THSD7B: variants seen among roughly 807,000 people sequenced by gnomAD.
THSD7B encodes the protein thrombospondin type 1 domain containing 7B.
THSD7B carries 138 observed loss-of-function variants against 213.6 expected under a neutral mutation model. That is an observed-to-expected ratio of 0.65 (90% CI 0.56 to 0.74). The LOEUF (loss-of-function observed/expected upper bound fraction) is 0.74, where lower values mean the gene tolerates loss of function less well. THSD7B is among the 30% of genes least tolerant of loss of function. The pLI, the probability that THSD7B is intolerant of heterozygous loss-of-function variation, is 0.00. For synonymous variants in THSD7B, 742 were observed against 687.0 expected (o/e 1.08, Z -1.25); for missense variants, 1,931 against 1,991.5 (o/e 0.97, Z 0.58).
At position 137,062,017 on chromosome 2, in the gene THSD7B, CTTTT is replaced by C. The variant is rs536171394; in HGVS notation, c.950+4788_950+4791del. Reference sequence around the variant, plus strand: ...AAGTTACTAAATACTGGTTTAATTTCTTTTAACAGATTTAGGACTATTCGTATCA... The same window carrying C: ...AAGTTACTAAATACTGGTTTAATTTCAACAGATTTAGGACTATTCGTATCA... On this transcript the variant is annotated intron_variant, in intron 3 of 27. Transcript: ENST00000409968. Among the ~76,000 whole-genome samples the C allele has an allele frequency of 5.5e-3, 828 of 151,878 alleles. 10 individuals carry two copies. The highest frequency in any genetic ancestry group is 0.034 in the South Asian group (166 of 4,830).
chr2:137,475,534 A>G (rs375902417), intron 15 of THSD7B, among the ~76,000 whole-genome samples: 3 of 152,228 alleles, frequency 2.0e-5, no homozygotes, highest in African/African-American at 7.2e-5. Context: ...CTCTACTTCC[A>G]TGAGATACGC....
intron 15 of THSD7B, among the ~76,000 whole-genome samples, chr2:137,465,573 C>T (rs1558805725): frequency 2.0e-5 from 3 of 152,194 alleles, no homozygotes; most frequent in Non-Finnish European, 2.9e-5. Flanking sequence ...GGACTCAGAG[C>T]GGTGATGTGA....
intron 1 of THSD7B, among the ~76,000 whole-genome samples, chr2:136,854,320 T>G (rs1378182314): frequency 6.6e-6 from 1 of 152,226 alleles, no homozygotes; most frequent in Non-Finnish European, 1.5e-5. Context: ...CAACTCCAGT[T>G]GAAAATTTTG....
At chr2:137,412,279 A>AT (rs1686675073) in intron 14 of THSD7B, among the ~76,000 whole-genome samples, 1 of 151,626 alleles carries the variant, frequency 6.6e-6, no homozygotes, top group African/African-American at 2.4e-5. Flanking sequence ...AAAAAAAAAA[A>AT]TCAATGAAAA....
At chr2:137,527,226 A>G (rs578154246) in intron 15 of THSD7B, among the ~76,000 whole-genome samples, 27 of 152,304 alleles carry the variant, frequency 1.8e-4, no homozygotes, top group Admixed American at 4.6e-4. Flanking sequence ...TGCAAAACAG[A>G]ATAATCTTAT....
intron 3 of THSD7B, among the ~76,000 whole-genome samples, chr2:137,075,082 A>G (rs1170412628): frequency 2.0e-5 from 3 of 152,100 alleles, no homozygotes; most frequent in African/African-American, 7.2e-5. Flanking sequence ...GCTCTTCTCA[A>G]GGAGTATCTT....
chr2:137,429,212 G>A (rs889238846), intron 14 of THSD7B, among the ~76,000 whole-genome samples: 4 of 152,120 alleles, frequency 2.6e-5, no homozygotes, highest in Non-Finnish European at 5.9e-5. Flanking sequence ...TTTTGGGGGT[G>A]ATTAAAGTAT....
At chr2:137,423,288 A>G (rs866103997) in intron 14 of THSD7B, among the ~76,000 whole-genome samples, 34 of 152,138 alleles carry the variant, frequency 2.2e-4, no homozygotes, top group African/African-American at 7.7e-4. Flanking sequence ...GGTTTTAGCC[A>G]TGGCAATTAG....
At chr2:137,014,270 A>T (rs1250932363) in intron 2 of THSD7B, among the ~76,000 whole-genome samples, 1 of 152,176 alleles carries the variant, frequency 6.6e-6, no homozygotes, top group African/African-American at 2.4e-5. Flanking sequence ...CAGCATTCAC[A>T]CGTCTCTGCA....
chr2:136,991,489 A>T (rs1685783631), intron 2 of THSD7B, among the ~76,000 whole-genome samples: 1 of 152,128 alleles, frequency 6.6e-6, no homozygotes, highest in Admixed American at 6.5e-5. Context: ...TGTCATGAAT[A>T]TACCTGGGTA....
At chr2:136,846,998 A>G (rs967513206) in intron 1 of THSD7B, among the ~76,000 whole-genome samples, 7 of 152,146 alleles carry the variant, frequency 4.6e-5, no homozygotes, top group African/African-American at 1.4e-4. Flanking sequence ...CATTTGAAAA[A>G]TCTTTCATTG....
Position 137,144,689 on chromosome 2 carries a change from G to C in THSD7B, c.1370-15524G>C, listed in dbSNP as rs912224013. Among the ~76,000 whole-genome samples the C allele has an allele frequency of 2.6e-5, 4 of 151,922 alleles. No individual in the cohort carries two copies. In the South Asian group the frequency reaches 6.2e-4, roughly 24 times the overall value. Reference sequence around the variant, plus strand: ...CTATCTGGTGGAAATAGATGATCTAGACCTAACTACAGGGTATTTGCAACC... The same window carrying C: ...CTATCTGGTGGAAATAGATGATCTACACCTAACTACAGGGTATTTGCAACC... On this transcript the variant is annotated intron_variant, in intron 5 of 27. Transcript: ENST00000409968.
At chr2:137,236,433 A>G (rs886152207) in intron 9 of THSD7B, among the ~76,000 whole-genome samples, 1 of 152,194 alleles carries the variant, frequency 6.6e-6, no homozygotes, top group Non-Finnish European at 1.5e-5. Context: ...CTAGCTGGTA[A>G]CAACTGAATC....
intron 14 of THSD7B, among the ~76,000 whole-genome samples, chr2:137,418,131 T>A (rs1686839439): frequency 6.6e-6 from 1 of 152,240 alleles, no homozygotes; most frequent in Non-Finnish European, 1.5e-5. Flanking sequence ...ATAAACTTCA[T>A]ATAATATTGC....
intron 2 of THSD7B, among the ~76,000 whole-genome samples, chr2:136,956,825 G>A (rs528346433): frequency 2.0e-5 from 3 of 151,894 alleles, no homozygotes; most frequent in African/African-American, 7.2e-5. Context: ...GATTATAGGC[G>A]CAAACCACCG....
At chr2:137,419,285 T>C (rs1686868795) in intron 14 of THSD7B, among the ~76,000 whole-genome samples, 2 of 151,640 alleles carry the variant, frequency 1.3e-5, no homozygotes, top group South Asian at 2.1e-4. Flanking sequence ...CTACTCAGTC[T>C]GCCAGGCTGT....
chr2:136,933,108 A>ATTCCCTCCTTCCTTCCTTCC (rs1684658846), intron 2 of THSD7B, among the ~76,000 whole-genome samples: 1 of 130,694 alleles, frequency 7.7e-6, no homozygotes, highest in African/African-American at 3.3e-5. Flanking sequence ...TTTGCCCGCC[A>ATTCCCTCCTTCCTTCCTTCC]TTCCTTCCTT....
rs540628127 is a variant in THSD7B at position 136,841,445 on chromosome 2, A to G, written c.-35-40699A>G. Among the ~76,000 whole-genome samples the G allele has an allele frequency of 7.2e-5, 11 of 151,962 alleles. No homozygotes were observed. In the South Asian group the frequency reaches 2.3e-3, roughly 32 times the overall value. On this transcript the variant is annotated intron_variant, in intron 1 of 27. Transcript: ENST00000409968. ...TCCATCTCCACTAAAAATACAAAAA[A>G]AAATAGCTGGACATGGTGGTGTGCA...
At chr2:137,266,762 C>G (rs1338389646) in intron 10 of THSD7B, among the ~76,000 whole-genome samples, 1 of 152,190 alleles carries the variant, frequency 6.6e-6, no homozygotes, top group Non-Finnish European at 1.5e-5. Context: ...CCCCCAATTT[C>G]CTGGCCACAC....
Sources: gnomAD v4.1 joint callset for allele counts (sites outside exome capture counted in the v4.1 genomes callset) on GRCh38, gnomAD v4.1.1 for gene constraint, MANE v1.5 for transcripts, NCBI Gene and HGNC (gene_info 2026-07-23, HGNC 2026-07-21) for gene names.